Variants in ASXL3 observed in about 807,000 individuals in gnomAD.
The protein encoded by ASXL3 is ASXL transcriptional regulator 3, also known as putative Polycomb group protein ASXL3.
ASXL3 carries 34 observed loss-of-function variants against 170.6 expected under a neutral mutation model. That is an observed-to-expected ratio of 0.20 (90% CI 0.15 to 0.27). The LOEUF is 0.27. ASXL3 is among the 10% of genes least tolerant of loss of function. ASXL3 has a pLI of 1.00. For missense variants in ASXL3, 2,592 were observed against 2,695.3 expected, an observed-to-expected ratio of 0.96 and a Z score of 0.85; for synonymous variants, 1,002 against 989.1, an observed-to-expected ratio of 1.01 and a Z score of -0.24.
intron 2 of ASXL3, among the ~76,000 whole-genome samples, chr18:33,615,685 C>T (rs966418898): frequency 6.6e-6 from 1 of 152,134 alleles, no homozygotes; most frequent in African/African-American, 2.4e-5. Context: ...ATATTAATCA[C>T]TTAATGTGAT....
rs1446859084 is a variant in ASXL3, at chr18:33,748,301, TATATA to T, written c.*1711_*1715del. On this transcript the variant is annotated 3_prime_UTR_variant, in exon 12 of 12. Coordinates refer to ENST00000269197, the MANE Select transcript of ASXL3 (RefSeq NM_030632.3). ...TTGTGATTTTTTTATAATAACCAAC[TATATA>T]ATATGTTTTTTTCTCCGTATTTATT... is the stretch of plus-strand genomic sequence containing the variant. 6.6e-6 allele frequency: 1 copy of T among 152,214 alleles called. No homozygotes were observed. The highest frequency in any genetic ancestry group is 1.5e-5 in the Non-Finnish European group (1 of 68,040). 9.4% of individuals were successfully genotyped at this position (152,214 alleles called of 1,614,324 possible).
chr18:33,725,355 A>C (rs1044759027), intron 8 of ASXL3, among the ~76,000 whole-genome samples: 2 of 152,174 alleles, frequency 1.3e-5, no homozygotes, highest in Non-Finnish European at 2.9e-5. Context: ...TCCACAATAC[A>C]GATCACCTTC....
At chr18:33,626,847 TATA>T (rs1480510571) in intron 2 of ASXL3, 1 of 152,808 alleles carries the variant, frequency 6.5e-6, no homozygotes, top group Non-Finnish European at 1.5e-5. Context: ...TATACACATA[TATA>T]ATATTTTCCA....
intron 1 of ASXL3, among the ~76,000 whole-genome samples, chr18:33,586,629 C>T (rs1396041127): frequency 6.6e-6 from 1 of 152,032 alleles, no homozygotes. Flanking sequence ...TGGTGTATTT[C>T]AGGATGTTTC....
intron 10 of ASXL3, among the ~76,000 whole-genome samples, chr18:33,737,304 T>A (rs983016387): frequency 6.6e-6 from 1 of 152,138 alleles, no homozygotes; most frequent in Non-Finnish European, 1.5e-5. Context: ...AAGGTTAAAG[T>A]GGTTTTCACT....
chr18:33,665,940 T>C (rs752845572), intron 5 of ASXL3, among the ~76,000 whole-genome samples: 33 of 152,280 alleles, frequency 2.2e-4, no homozygotes, highest in Non-Finnish European at 3.5e-4. Context: ...CTTTGAAAAG[T>C]GCATTTATTT....
intron 1 of ASXL3, among the ~76,000 whole-genome samples, chr18:33,594,171 G>C (rs2065104025): frequency 6.6e-6 from 1 of 152,114 alleles, no homozygotes; most frequent in Admixed American, 6.6e-5. Context: ...ACAACATCTG[G>C]CCTAATTTAT....
chr18:33,610,038 C>T (rs2065310182), intron 2 of ASXL3, among the ~76,000 whole-genome samples: 1 of 151,890 alleles, frequency 6.6e-6, no homozygotes, highest in Non-Finnish European at 1.5e-5. Flanking sequence ...ATATACATAC[C>T]TAGCTTTTGA....
At chr18:33,652,456 A>G (rs1177905359) in intron 4 of ASXL3, among the ~76,000 whole-genome samples, 2 of 151,994 alleles carry the variant, frequency 1.3e-5, no homozygotes, top group African/African-American at 2.4e-5. Flanking sequence ...CATCCTATAT[A>G]TTTCTTTTAA....
At chr18:33,587,894 A>G (rs2065047240) in intron 1 of ASXL3, among the ~76,000 whole-genome samples, 1 of 152,164 alleles carries the variant, frequency 6.6e-6, no homozygotes, top group South Asian at 2.1e-4. Flanking sequence ...TACTTTGGAA[A>G]TGTTCATTTG....
At chr18:33,709,562 A>G (rs1338587427) in intron 8 of ASXL3, among the ~76,000 whole-genome samples, 4 of 152,132 alleles carry the variant, frequency 2.6e-5, no homozygotes, top group African/African-American at 9.7e-5. Flanking sequence ...CCATTTTTAT[A>G]AAGATCAAAA....
chr18:33,744,803 T>C lies in ASXL3; in HGVS notation c.4955T>C (p.Val1652Ala). 6.2e-7 allele frequency: 1 copy of C among 1,614,048 alleles called. No homozygotes were observed. Among genetic ancestry groups the C allele is most frequent in the East Asian group, 2.2e-5 (1 of 44,874 alleles). Residue 1652 changes from valine (V) to alanine (A), a missense_variant, in exon 12 of 12, where the codon GTG (valine) becomes GCG (alanine). Val to Ala is a moderately conservative substitution (Grantham distance 64). This residue lies in a region of ASXL3 where 2,246 missense variants were observed against 2,219.6 expected (regional missense o/e 1.01). Transcript: ENST00000269197. ...IKTEHANYLN[V>A]SELHPRNLVT... is the part of the protein sequence containing the mutation. Reference sequence around the variant, plus strand: ...ACTGAACATGCCAACTACTTGAACGTGTCAGAACTTCATCCCAGGAATCTT... The same window carrying C: ...ACTGAACATGCCAACTACTTGAACGCGTCAGAACTTCATCCCAGGAATCTT...
chr18:33,627,774 C>G (rs556537221), intron 2 of ASXL3, among the ~76,000 whole-genome samples: 40 of 152,206 alleles, frequency 2.6e-4, no homozygotes, highest in South Asian at 8.3e-4. Context: ...ACTGCTCATG[C>G]ATTTTAAATT....
At chr18:33,588,875 C>A (rs545140814) in intron 1 of ASXL3, among the ~76,000 whole-genome samples, 1 of 152,310 alleles carries the variant, frequency 6.6e-6, no homozygotes, top group South Asian at 2.1e-4. Flanking sequence ...AAAGCCACCA[C>A]CATTTCCACA....
chr18:33,587,077 T>G (rs185373187), intron 1 of ASXL3, among the ~76,000 whole-genome samples: 10 of 152,326 alleles, frequency 6.6e-5, no homozygotes, highest in Non-Finnish European at 1.5e-5. Flanking sequence ...AAGCTGTAGT[T>G]ATTTTTCAAG....
intron 7 of ASXL3, among the ~76,000 whole-genome samples, chr18:33,678,401 G>C (rs1249852060): frequency 6.6e-6 from 1 of 152,180 alleles, no homozygotes; most frequent in Non-Finnish European, 1.5e-5. Context: ...CATAATCCTT[G>C]TGTGGGTTCC....
intron 8 of ASXL3, among the ~76,000 whole-genome samples, chr18:33,687,112 TAG>T (rs2066609187): frequency 6.6e-6 from 1 of 152,150 alleles, no homozygotes; most frequent in Non-Finnish European, 1.5e-5. Flanking sequence ...AGAAGGCAAC[TAG>T]AGATTTTTTC....
At chr18:33,603,448 G>A (rs1041166282) in intron 1 of ASXL3, among the ~76,000 whole-genome samples, 1 of 152,000 alleles carries the variant, frequency 6.6e-6, no homozygotes, top group Non-Finnish European at 1.5e-5. Flanking sequence ...ACTAGGACGT[G>A]TAGTAGTCTA....
At chr18:33,692,577 G>T (rs1599501864) in intron 8 of ASXL3, among the ~76,000 whole-genome samples, 1 of 152,146 alleles carries the variant, frequency 6.6e-6, no homozygotes, top group Non-Finnish European at 1.5e-5. Flanking sequence ...GTTGTTTCTT[G>T]TCTTATTTTT....
Sources: allele counts gnomAD v4.1 joint callset (sites outside exome capture counted in the v4.1 genomes callset), GRCh38; gene constraint gnomAD v4.1.1; regional missense constraint gnomAD v4.1.1; transcripts MANE v1.5; gene names NCBI Gene and HGNC (gene_info 2026-07-23, HGNC 2026-07-21).